The following ZNF107 variants were observed in gnomAD, a reference collection of about 807,000 sequenced individuals.
The protein encoded by ZNF107 is C2H2 type zinc-finger protein.
ZNF107 carries 19 observed loss-of-function variants against 12.3 expected under a neutral mutation model. The ratio of observed to expected loss-of-function variants is 1.55; its 90% CI spans 1.08 to 2.27. ZNF107 has a LOEUF of 2.27. ZNF107 is among the 30% of genes most tolerant of loss of function. ZNF107 has a pLI of 0.00. For missense variants in ZNF107, 958 were observed against 979.9 expected, an observed-to-expected ratio of 0.98 and a Z score of 0.30; for synonymous variants, 317 against 330.5, an observed-to-expected ratio of 0.96 and a Z score of 0.44.
At chr7:64,683,843 T>C (rs1202802869) in intron 1 of ZNF107, among the ~76,000 whole-genome samples, 1 of 152,170 alleles carries the variant, frequency 6.6e-6, no homozygotes, top group Non-Finnish European at 1.5e-5. Context: ...TGTCAAAAAA[T>C]ATAAGTACCT....
At position 64,707,364 on chromosome 7, in the gene ZNF107, A is replaced by G. The variant is rs1325291865; in HGVS notation, c.1267A>G (p.Lys423Glu). Residue 423 changes from lysine to glutamate, a missense_variant, in exon 4 of 4, where the codon AAA (lysine) becomes GAA (glutamate). Lys to Glu is a moderately conservative substitution (Grantham distance 56). Transcript: ENST00000620827. ...TRHKIIHTGE[K>E]PYKCKECGKA... ...ACATAAGATAATTCATACTGGAGAG[A>G]AACCCTACAAATGTAAAGAATGTGG... 1 of 1,613,380 alleles carries G rather than the reference A, an allele frequency of 6.2e-7. No homozygotes were observed. The highest frequency in any genetic ancestry group is 1.7e-5 in the Admixed American group (1 of 59,980).
At chr7:64,667,150 A>C (rs1406073707) in intron 1 of ZNF107, among the ~76,000 whole-genome samples, 1 of 152,186 alleles carries the variant, frequency 6.6e-6, no homozygotes, top group Non-Finnish European at 1.5e-5. Context: ...TGTCTCAAGC[A>C]GGGTCTCAAG....
At chr7:64,680,621 C>A (rs1789622902) in intron 1 of ZNF107, among the ~76,000 whole-genome samples, 1 of 152,148 alleles carries the variant, frequency 6.6e-6, no homozygotes, top group Non-Finnish European at 1.5e-5. Flanking sequence ...AAAATCCAGC[C>A]CAGTTTGTGG....
At chr7:64,693,305 G>A (rs531509276) in intron 3 of ZNF107, among the ~76,000 whole-genome samples, 12 of 147,850 alleles carry the variant, frequency 8.1e-5, no homozygotes, top group African/African-American at 2.7e-4. Context: ...GAGCCACCAC[G>A]CCTGGCCAGT....
Position 64,706,519 on chromosome 7 carries a change from C to G in ZNF107, c.422C>G (p.Pro141Arg), listed in dbSNP as rs1790649275. The change falls in exon 4 of 4, where the codon CCA becomes CGA. Residue 141 changes from proline to arginine, a missense_variant. By Grantham distance (103) the Pro-to-Arg change is moderately radical. Transcript: ENST00000620827. ...GTTAACCAATGTTTGACAGCTACCC[C>G]AAGCAAAATATTCCAGTGTAATAAA... ...NTVNQCLTATPSKIFQCNKYV... is the reference protein window; with the variant it reads ...NTVNQCLTATRSKIFQCNKYV... 6.2e-7 allele frequency: 1 copy of G among 1,610,186 alleles called. No individual in the cohort carries two copies. The highest frequency in any genetic ancestry group is 8.5e-7 in the Non-Finnish European group (1 of 1,178,030).
chr7:64,686,932 C>T lies in ZNF107; in HGVS notation c.4-4316C>T, dbSNP rs151097424. On this transcript the variant is annotated intron_variant, in intron 1 of 3. Coordinates refer to ENST00000620827, the MANE Select transcript of ZNF107 (RefSeq NM_001282359.2). ...AATCCAGACCACGCTGTAACACACACTTACAAAATTCTGCTGAGAATATGC... is the reference window on the plus strand; with the variant it reads ...AATCCAGACCACGCTGTAACACACATTTACAAAATTCTGCTGAGAATATGC... 1.8e-4 allele frequency: 179 copies of T among 985,446 alleles called. 2 individuals are homozygous for T. In the East Asian group the frequency reaches 0.013, roughly 70 times the overall value. 61.0% of individuals were successfully genotyped at this position (985,446 alleles called of 1,614,324 possible).
intron 1 of ZNF107, among the ~76,000 whole-genome samples, chr7:64,682,951 C>A (rs1789743439): frequency 6.6e-6 from 1 of 152,218 alleles, no homozygotes; most frequent in South Asian, 2.1e-4. Context: ...TCCCCCTCTC[C>A]TCACATTTCT....
At position 64,709,169 on chromosome 7, in the gene ZNF107, T is replaced by C; in HGVS notation, c.*513T>C. 2.3e-6 allele frequency: 1 copy of C among 430,028 alleles called. No homozygotes were observed. The highest frequency in any genetic ancestry group is 4.7e-6 in the Non-Finnish European group (1 of 214,472). 26.6% of individuals were successfully genotyped at this position (430,028 alleles called of 1,614,324 possible). The stretch of plus-strand genomic sequence containing the variant: ...CAAAGCTTTTAACCTTCCTTAACCC[T>C]TAACTGTAGATAAGAAAATTCATAC... On this transcript the variant is annotated 3_prime_UTR_variant, in exon 4 of 4. Transcript: ENST00000620827.
rs1408630406 is a variant in ZNF107 at position 64,710,611 on chromosome 7, TAC to T, written c.*1957_*1958del. On this transcript the variant is annotated 3_prime_UTR_variant, in exon 4 of 4. Transcript: ENST00000620827. ...TAGAATTTTTTTGTAGATGTATAAT[TAC>T]ATTCAAATTATATTTTTTCTTGAAA... 1 of 151,424 alleles carries T rather than the reference TAC, an allele frequency of 6.6e-6. No individual in the cohort carries two copies. Among genetic ancestry groups the T allele is most frequent in the Non-Finnish European group, 1.5e-5 (1 of 67,876 alleles). 9.4% of individuals were successfully genotyped at this position (151,424 alleles called of 1,614,324 possible). A position where few individuals can be genotyped will look rare whatever the true frequency, so the allele number is the denominator to read the frequency against.
chr7:64,695,901 C>G (rs958378010), intron 3 of ZNF107, among the ~76,000 whole-genome samples: 1 of 151,970 alleles, frequency 6.6e-6, no homozygotes, highest in Admixed American at 6.6e-5. Flanking sequence ...AAACTCATTA[C>G]ATAAAATATA....
chr7:64,686,497 G>A (rs1027984602), intron 1 of ZNF107: 18 of 985,106 alleles, frequency 1.8e-5, no homozygotes, highest in Admixed American at 6.2e-5. Flanking sequence ...AGTCCCGCTC[G>A]AAGAATCCCT....
At chr7:64,694,033 C>A (rs1254782586) in intron 3 of ZNF107, among the ~76,000 whole-genome samples, 1 of 152,108 alleles carries the variant, frequency 6.6e-6, no homozygotes, top group South Asian at 2.1e-4. Context: ...GGTGATCCAC[C>A]CATCTCTACC....
intron 3 of ZNF107, among the ~76,000 whole-genome samples, chr7:64,704,054 T>C (rs886199285): frequency 2.6e-5 from 4 of 152,252 alleles, no homozygotes; most frequent in East Asian, 1.9e-4. Context: ...AAAATTCTTA[T>C]TCATTACGTC....
Position 64,666,222 on chromosome 7 carries a change from G to T in ZNF107, c.-61G>T. 1 of 1,598,660 alleles carries T rather than the reference G, an allele frequency of 6.3e-7. No individual in the cohort carries two copies. The highest frequency in any genetic ancestry group is 1.1e-5 in the South Asian group (1 of 90,878). On this transcript the variant is annotated 5_prime_UTR_variant, in exon 1 of 4. Transcript: ENST00000620827. ...CTAGAGGCCCAGCCTCTGTGTCCCTGTGACCTGCAGATATTGGGAGATCCA... is the reference window on the plus strand; with the variant it reads ...CTAGAGGCCCAGCCTCTGTGTCCCTTTGACCTGCAGATATTGGGAGATCCA...
chr7:64,699,127 C>A (rs1790387703), intron 3 of ZNF107, among the ~76,000 whole-genome samples: 1 of 151,152 alleles, frequency 6.6e-6, no homozygotes, highest in South Asian at 2.1e-4. Context: ...TTGTTTTTTT[C>A]CATGGGTGTT....
intron 1 of ZNF107, among the ~76,000 whole-genome samples, chr7:64,684,888 C>T (rs1159606873): frequency 6.6e-6 from 1 of 152,170 alleles, no homozygotes; most frequent in Non-Finnish European, 1.5e-5. Context: ...AAACTCTCAA[C>T]CCACTCTCTG....
chr7:64,706,735 T>C lies in ZNF107; in HGVS notation c.638T>C (p.Phe213Ser). Residue 213 changes from phenylalanine to serine, a missense_variant, in exon 4 of 4, where the codon TTC becomes TCC. Phe to Ser is a radical substitution (Grantham distance 155). Transcript: ENST00000620827. ...CEECGKAFNW[F>S]STLTKHKRIH... ...GAATGTGGAAAAGCCTTTAACTGGT[T>C]CTCAACTCTTACTAAACATAAGAGA... The C allele has an allele frequency of 6.2e-7, 1 of 1,612,600 alleles. No homozygotes were observed. Among genetic ancestry groups the C allele is most frequent in the Non-Finnish European group, 8.5e-7 (1 of 1,179,480 alleles).
Position 64,707,341 on chromosome 7 carries a change from A to G in ZNF107, c.1244A>G (p.His415Arg), listed in dbSNP as rs1271352454. 5 of 1,613,306 alleles carry G rather than the reference A, an allele frequency of 3.1e-6. No homozygotes were observed. The East Asian group carries it at 8.9e-5, about 29-fold the overall frequency. The change falls in exon 4 of 4, where the codon CAT becomes CGT. Residue 415 changes from histidine to arginine, a missense_variant. Transcript: ENST00000620827. ...AACCAGTTCTCAACTCTTACTAGAC[A>G]TAAGATAATTCATACTGGAGAGAAA... is the stretch of plus-strand genomic sequence containing the variant. ...VFNQFSTLTR[H>R]KIIHTGEKPY...
In ZNF107 at chr7:64,707,172, C is replaced by T. The variant is rs753267312; in HGVS notation, c.1075C>T (p.Gln359Ter). The T allele has an allele frequency of 2.5e-6, 4 of 1,613,642 alleles. No individual in the cohort carries two copies. In the East Asian group the frequency reaches 6.7e-5, roughly 27 times the overall value. Residue 359 changes from glutamine to a stop codon, truncating the protein, a stop_gained, in exon 4 of 4, where the codon CAG becomes TAG. Transcript: ENST00000620827. LOFTEE classifies it low-confidence loss of function (END_TRUNC). ...AFNISSNLNK[Q>*]EKIHTGGKLN... ...TAACATATCCTCAAACCTTAATAAACAGGAGAAAATTCATACTGGAGGGAA... is the reference window on the plus strand; with the variant it reads ...TAACATATCCTCAAACCTTAATAAATAGGAGAAAATTCATACTGGAGGGAA...
Sources: allele counts gnomAD v4.1 joint callset (sites outside exome capture counted in the v4.1 genomes callset), GRCh38; gene constraint gnomAD v4.1.1; transcripts MANE v1.5; gene names NCBI Gene and HGNC (gene_info 2026-07-23, HGNC 2026-07-21).